Variants in SLC66A3 observed in about 807,000 individuals in gnomAD.
The protein encoded by SLC66A3 is solute carrier family 66 member 3, also known as PQ loop repeat containing 3.
A neutral mutation model predicts 25.5 loss-of-function variants in SLC66A3; 23 were observed. That is an observed-to-expected ratio of 0.90 (90% CI 0.65 to 1.28). SLC66A3 has a LOEUF of 1.28. Ranked by LOEUF, SLC66A3 falls within the 50% of genes most tolerant of loss-of-function variation. The pLI is 0.00. For missense variants in SLC66A3, 246 were observed against 262.1 expected, an observed-to-expected ratio of 0.94 and a Z score of 0.42; for synonymous variants, 108 against 112.6, an observed-to-expected ratio of 0.96 and a Z score of 0.26.
chr2:11,175,509 GT>G (rs1662707954), intron 6 of SLC66A3, among the ~76,000 whole-genome samples: 3 of 152,238 alleles, frequency 2.0e-5, no homozygotes, highest in African/African-American at 4.8e-5. Context: ...AAGGGCTAGA[GT>G]GCGGAGAGCA....
chr2:11,156,532 G>A (rs1661907371), intron 1 of SLC66A3, among the ~76,000 whole-genome samples: 1 of 152,158 alleles, frequency 6.6e-6, no homozygotes, highest in Non-Finnish European at 1.5e-5. Flanking sequence ...TTCCTGGTGG[G>A]CGGGGTGGGG....
chr2:11,161,729 C>T (rs375327169), intron 3 of SLC66A3, among the ~76,000 whole-genome samples: 2 of 152,206 alleles, frequency 1.3e-5, no homozygotes, highest in African/African-American at 2.4e-5. Flanking sequence ...GTATGTTACC[C>T]AGACTAGTCT....
At chr2:11,161,562 A>G (rs953925895) in intron 3 of SLC66A3, among the ~76,000 whole-genome samples, 2 of 152,090 alleles carry the variant, frequency 1.3e-5, no homozygotes, top group Non-Finnish European at 2.9e-5. Context: ...TATGTCACCC[A>G]GGCTGGAGTG....
chr2:11,157,194 A>G (rs1356361969), intron 1 of SLC66A3, among the ~76,000 whole-genome samples: 1 of 152,138 alleles, frequency 6.6e-6, no homozygotes, highest in Non-Finnish European at 1.5e-5. Flanking sequence ...GCCAGCTGTC[A>G]CCTCTCCCAG....
At chr2:11,170,049 G>A (rs529926201) in intron 4 of SLC66A3, among the ~76,000 whole-genome samples, 90 of 152,144 alleles carry the variant, frequency 5.9e-4, no homozygotes, top group African/African-American at 2.1e-3. Context: ...ATGTTGACCA[G>A]GACGGTCTCG....
intron 4 of SLC66A3, among the ~76,000 whole-genome samples, chr2:11,165,042 G>A (rs1172250285): frequency 6.6e-6 from 1 of 152,196 alleles, no homozygotes; most frequent in Non-Finnish European, 1.5e-5. Context: ...TCAATGAGCT[G>A]TTGGGTACAC....
chr2:11,166,536 G>A (rs1407223651), intron 4 of SLC66A3, among the ~76,000 whole-genome samples: 1 of 152,194 alleles, frequency 6.6e-6, no homozygotes, highest in Admixed American at 6.5e-5. Flanking sequence ...TGACTTGGGA[G>A]AGCAAATAAG....
In SLC66A3 at chr2:11,155,589, G is replaced by A; in HGVS notation, c.43G>A (p.Gly15Ser). Residue 15 changes from glycine (G) to serine (S), a missense_variant, in exon 1 of 7, where the codon GGC becomes AGC. Physicochemically the swap from Gly to Ser is moderately conservative, Grantham distance 56. Transcript: ENST00000295083. ...LLGLCNWSTL[G>S]VCAALKLPQI... ...GGGGCTGTGTAACTGGAGCACGCTG[G>A]GCGTGTGCGCCGCGCTGAAGCTGCC... 2 of 1,517,126 alleles carry A rather than the reference G, an allele frequency of 1.3e-6. No individual in the cohort carries two copies. Among genetic ancestry groups the A allele is most frequent in the Non-Finnish European group, 1.8e-6 (2 of 1,142,400 alleles). The allele number at this position is 1,517,126 out of a possible 1,614,324, so 94.0% of individuals were successfully genotyped here. A position where few individuals can be genotyped will look rare whatever the true frequency, so the allele number is the denominator to read the frequency against.
intron 3 of SLC66A3, among the ~76,000 whole-genome samples, chr2:11,161,904 T>C (rs933654931): frequency 1.3e-5 from 2 of 152,188 alleles, no homozygotes; most frequent in African/African-American, 4.8e-5. Flanking sequence ...TCCCATGCCC[T>C]CTTCAGAGTG....
intron 4 of SLC66A3, among the ~76,000 whole-genome samples, chr2:11,170,831 C>A (rs1008680928): frequency 1.3e-5 from 2 of 151,334 alleles, no homozygotes; most frequent in Non-Finnish European, 2.9e-5. Flanking sequence ...CCTTGTGATT[C>A]GTCCGCCTCA....
intron 1 of SLC66A3, 111 bp from the exon 2 acceptor site, chr2:11,160,355 A>G: frequency 1.2e-6 from 1 of 857,564 alleles, no homozygotes; most frequent in Non-Finnish European, 2.0e-6. Context: ...TGGCGTGTCC[A>G]CACCCCCACT....
At chr2:11,171,160 A>C (rs1425093018) in intron 4 of SLC66A3, among the ~76,000 whole-genome samples, 1 of 152,060 alleles carries the variant, frequency 6.6e-6, no homozygotes, top group Non-Finnish European at 1.5e-5. Flanking sequence ...TCTACTAAAA[A>C]TACAAACATT....
In SLC66A3 at chr2:11,172,034, A is replaced by G. The variant is rs761157879; in HGVS notation, c.464A>G (p.Tyr155Cys). Residue 155 changes from tyrosine to cysteine, a missense_variant, in exon 5 of 7, where the codon TAT becomes TGT. Around this residue, in one of 3 missense-constraint regions of SLC66A3, gnomAD observed 93 missense variants for 102.6 expected, o/e 0.91. Transcript: ENST00000295083. ...GCGCTGACTTGGAGCCTCTCTTCCT[A>G]TACCTGTGCAAGTAAGAACCGGACT... ...VSALTWSLSSYTCATRIITTL... is the reference protein window; with the variant it reads ...VSALTWSLSSCTCATRIITTL... 9 of 1,613,818 alleles carry G rather than the reference A, an allele frequency of 5.6e-6. No individual in the cohort carries two copies. In the Admixed American group the frequency reaches 8.3e-5, roughly 15 times the overall value.
intron 6 of SLC66A3, among the ~76,000 whole-genome samples, chr2:11,176,609 A>G (rs1329179217): frequency 7.4e-6 from 1 of 135,372 alleles, no homozygotes; most frequent in South Asian, 2.5e-4. Flanking sequence ...GCTCACTGCA[A>G]GCTCCGCCTC....
chr2:11,160,499 T>C lies in SLC66A3; in HGVS notation c.177T>C (p.Tyr59=), dbSNP rs1558249998. 6.2e-7 allele frequency: 1 copy of C among 1,614,050 alleles called. No homozygotes were observed. The highest frequency in any genetic ancestry group is 8.5e-7 in the Non-Finnish European group (1 of 1,180,042). ...FLVFLRYQCY[Y]GYPPLTYLEY... ...TGTTTCTGCGGTACCAGTGTTACTA[T>C]GGGTATCCGCCGCTGACCTACCTGG... Residue 59 remains tyrosine, a synonymous_variant, in exon 2 of 7, where the codon TAT becomes TAC. Coordinates refer to ENST00000295083, the MANE Select transcript of SLC66A3 (RefSeq NM_152391.5).
intron 1 of SLC66A3, among the ~76,000 whole-genome samples, chr2:11,159,511 C>T (rs1457142205): frequency 6.6e-6 from 1 of 152,174 alleles, no homozygotes; most frequent in African/African-American, 2.4e-5. Context: ...CCTCTGACTC[C>T]GCCCCCAGCT....
chr2:11,177,888 C>T lies in SLC66A3; in HGVS notation c.*60C>T. On this transcript the variant is annotated 3_prime_UTR_variant, in exon 7 of 7. Coordinates refer to ENST00000295083, the MANE Select transcript of SLC66A3 (RefSeq NM_152391.5). ...GTAACTGAACCAAAGGAAAAAGAAG[C>T]TCTTTGCTAAATTAAGGTCTTTTAT... is the stretch of plus-strand genomic sequence containing the variant. 1 of 1,021,614 alleles carries T rather than the reference C, an allele frequency of 9.8e-7. No individual in the cohort carries two copies. Among genetic ancestry groups the T allele is most frequent in the Admixed American group, 2.2e-5 (1 of 45,554 alleles). The allele number at this position is 1,021,614 out of a possible 1,614,324, so 63.3% of individuals were successfully genotyped here.
At chr2:11,173,949 G>A (rs117242662) in intron 5 of SLC66A3, among the ~76,000 whole-genome samples, 47 of 152,246 alleles carry the variant, frequency 3.1e-4, no homozygotes, top group Middle Eastern at 6.8e-3. Context: ...CCAGTGATTC[G>A]AAAACATTTA....
chr2:11,174,751 C>A (rs1440012768), intron 5 of SLC66A3, among the ~76,000 whole-genome samples: 3 of 152,036 alleles, frequency 2.0e-5, no homozygotes, highest in Non-Finnish European at 2.9e-5. Flanking sequence ...TCCGGCATGG[C>A]TAGTTTTTAT....
Sources: gnomAD v4.1 joint callset for allele counts (sites outside exome capture counted in the v4.1 genomes callset) on GRCh38, gnomAD v4.1.1 for gene constraint, gnomAD v4.1.1 regional missense constraint, MANE v1.5 for transcripts, NCBI Gene and HGNC (gene_info 2026-07-23, HGNC 2026-07-21) for gene names.